TTC19: variants seen among roughly 807,000 people sequenced by gnomAD.
The protein encoded by TTC19 is tetratricopeptide repeat protein 19, mitochondrial.
TTC19 carries 38 observed loss-of-function variants against 49.5 expected under a neutral mutation model. The observed-to-expected ratio is 0.77, with a 90% CI of 0.59 to 1.01. The LOEUF is 1.01. Among genes scored for constraint, TTC19 ranks in the 50% least tolerant of loss-of-function variants. The pLI is 0.00. For synonymous variants in TTC19, 204 were observed against 185.2 expected (o/e 1.10, Z -0.83); for missense variants, 475 against 477.7 (o/e 0.99, Z 0.05).
chr17:16,039,704 G>A lies in TTC19; in HGVS notation c.248-4799G>A. 2.6e-6 allele frequency: 4 copies of A among 1,513,388 alleles called. No individual in the cohort carries two copies. The South Asian group carries it at 3.6e-5, about 13-fold the overall frequency. 93.7% of individuals were successfully genotyped at this position (1,513,388 alleles called of 1,614,324 possible). ...CACTTATTTCTGAAAGGCCAATCAG[G>A]AAACAAACATGCATTGCCCCATCAG... On this transcript the variant is annotated intron_variant, in intron 2 of 2. Coordinates refer to the TTC19 transcript ENST00000470649.
At chr17:16,009,787 T>C (rs1971014052) in intron 7 of TTC19, among the ~76,000 whole-genome samples, 1 of 152,156 alleles carries the variant, frequency 6.6e-6, no homozygotes, top group South Asian at 2.1e-4. Flanking sequence ...TCTAGGATAA[T>C]TATTTTGTTA....
intron 7 of TTC19, among the ~76,000 whole-genome samples, chr17:16,019,540 T>C (rs1396369967): frequency 6.6e-6 from 1 of 152,200 alleles, no homozygotes; most frequent in East Asian, 1.9e-4. Context: ...TGCGTCTGTC[T>C]TTAAAGGGTG....
intron 4 of TTC19, 87 bp downstream of exon 4, chr17:16,002,918 A>G (rs148703811): frequency 3.6e-5 from 45 of 1,249,956 alleles, no homozygotes; most frequent in Non-Finnish European, 5.2e-5. Flanking sequence ...CTAAGCTGCT[A>G]TAACAAAGAG....
chr17:16,044,100 C>T (rs1465904226), intron 2 of TTC19, among the ~76,000 whole-genome samples: 10 of 134,208 alleles, frequency 7.5e-5, no homozygotes, highest in African/African-American at 2.8e-4. Context: ...ACCCGGGAGG[C>T]GGAGGTTGCG....
chr17:16,040,072 G>C (rs142477604), intron 2 of TTC19: 9 of 447,782 alleles, frequency 2.0e-5, no homozygotes, highest in African/African-American at 1.4e-4. Flanking sequence ...TTACAGGCGT[G>C]AGCCACCGCA....
downstream of TTC19, among the ~76,000 whole-genome samples, chr17:16,032,744 G>A (rs1323246314): frequency 1.3e-5 from 2 of 152,220 alleles, no homozygotes; most frequent in Non-Finnish European, 2.9e-5. Context: ...AGAAGAGAAA[G>A]CCCAGGCTAG....
Position 16,027,406 on chromosome 17 carries a change from G to A in TTC19, c.1027G>A (p.Glu343Lys). The A allele has an allele frequency of 1.2e-6, 2 of 1,614,080 alleles. No individual in the cohort carries two copies. Among genetic ancestry groups the A allele is most frequent in the Non-Finnish European group, 1.7e-6 (2 of 1,179,956 alleles). The change falls in exon 10 of 10, where the codon GAA becomes AAA. Residue 343 changes from glutamate to lysine, a missense_variant. Transcript: ENST00000261647. ...TACACAAGCAAAAGAGATCTACCAG[G>A]AAGCACTGAAGCAAGCAAAGCTGAA... ...RYTQAKEIYQ[E>K]ALKQAKLKKD...
Position 16,026,594 on chromosome 17 carries a change from G to A in TTC19, c.886G>A (p.Asp296Asn). ...ATTLDAQGRF[D>N]EAYIYMQRAS... ...TACCCTGGATGCACAGGGCCGCTTT[G>A]ATGAGGCCTATATTTATATGCAAAG... Residue 296 changes from aspartate to asparagine, a missense_variant, in exon 9 of 10, where the codon GAT becomes AAT. Transcript: ENST00000261647. 6.2e-7 allele frequency: 1 copy of A among 1,614,150 alleles called. No individual in the cohort carries two copies. The highest frequency in any genetic ancestry group is 8.5e-7 in the Non-Finnish European group (1 of 1,180,004).
chr17:16,044,826 CT>C, exon 3 of TTC19: 1 of 1,075,544 alleles, frequency 9.3e-7, no homozygotes, highest in Non-Finnish European at 1.4e-6. Flanking sequence ...GGTGGACCTG[CT>C]CCAGCAGCTG....
At chr17:16,012,390 A>C (rs551617809) in intron 7 of TTC19, among the ~76,000 whole-genome samples, 5 of 151,898 alleles carry the variant, frequency 3.3e-5, no homozygotes, top group African/African-American at 1.2e-4. Context: ...TGAGGTGAGA[A>C]TCTCTTGAGC....
At chr17:16,036,449 A>G (rs1473405185) in intron 2 of TTC19, among the ~76,000 whole-genome samples, 1 of 152,232 alleles carries the variant, frequency 6.6e-6, no homozygotes, top group Non-Finnish European at 1.5e-5. Flanking sequence ...CACCACCTGC[A>G]TTAGCCCCTA....
Position 16,028,122 on chromosome 17 carries a change from G to A in TTC19, c.*600G>A, listed in dbSNP as rs73981413. 19,077 of 453,934 alleles carry A rather than the reference G, an allele frequency of 0.042. 539 individuals carry two copies. The highest frequency in any genetic ancestry group is 0.096 in the African/African-American group (4,814 of 50,036). The allele number at this position is 453,934 out of a possible 1,614,324, so 28.1% of individuals were successfully genotyped here. A position where few individuals can be genotyped will look rare whatever the true frequency, so the allele number is the denominator to read the frequency against. ...GCACGTGACAGTATAGCACCCATTT[G>A]AATTTAAATAAAAGTGAACCATATT... On this transcript the variant is annotated 3_prime_UTR_variant, in exon 10 of 10. Transcript: ENST00000261647.
Position 16,028,898 on chromosome 17 carries a change from G to T in TTC19, c.*1376G>T. 1 of 412,360 alleles carries T rather than the reference G, an allele frequency of 2.4e-6. No homozygotes were observed. The highest frequency in any genetic ancestry group is 1.8e-5 in the South Asian group (1 of 55,764). The allele number at this position is 412,360 out of a possible 1,614,324, so 25.5% of individuals were successfully genotyped here. Reference sequence around the variant, plus strand: ...AAACCTTGAGGTCCAAATCCTCAGGGATTAGACTAAAACTAGAGTTTTGTA... The same window carrying T: ...AAACCTTGAGGTCCAAATCCTCAGGTATTAGACTAAAACTAGAGTTTTGTA... On this transcript the variant is annotated 3_prime_UTR_variant, in exon 10 of 10. Transcript: ENST00000261647.
intron 6 of TTC19, 75 bp downstream of exon 6, chr17:16,004,337 C>A: frequency 7.2e-7 from 1 of 1,384,146 alleles, no homozygotes; most frequent in Non-Finnish European, 1.0e-6. Context: ...TATTCATTGT[C>A]TACTGGTCAT....
chr17:16,013,425 T>C (rs1971133299), intron 7 of TTC19, among the ~76,000 whole-genome samples: 1 of 152,204 alleles, frequency 6.6e-6, no homozygotes, highest in Non-Finnish European at 1.5e-5. Context: ...AGCTTAATGC[T>C]TAGAGAGATA....
downstream of TTC19, among the ~76,000 whole-genome samples, chr17:16,032,672 T>G (rs796384345): frequency 9.9e-5 from 15 of 152,248 alleles, 1 homozygote; most frequent in African/African-American, 3.4e-4. Context: ...TATATAGCAG[T>G]CAGTGCGGGT....
At chr17:16,002,253 A>G (rs1970760366) in intron 3 of TTC19, among the ~76,000 whole-genome samples, 1 of 152,178 alleles carries the variant, frequency 6.6e-6, no homozygotes, top group African/African-American at 2.4e-5. Flanking sequence ...ATCTTGGCTC[A>G]CTGCAGCCTC....
At chr17:16,002,191 T>A (rs542044045) in intron 3 of TTC19, among the ~76,000 whole-genome samples, 166 bp downstream of exon 3, 2 of 152,338 alleles carry the variant, frequency 1.3e-5, no homozygotes, top group African/African-American at 4.8e-5. Flanking sequence ...TTTGTTTTGT[T>A]TTTTTGAGAT....
At chr17:16,044,973 C>G (rs1018234953) in exon 3 of TTC19, 4 of 520,346 alleles carry the variant, frequency 7.7e-6, no homozygotes, top group Non-Finnish European at 1.4e-5. Flanking sequence ...TTTCTTATAA[C>G]GTGTTCAATA....
Sources: gnomAD v4.1 joint callset for allele counts (sites outside exome capture counted in the v4.1 genomes callset) on GRCh38, gnomAD v4.1.1 for gene constraint, MANE v1.5 for transcripts, NCBI Gene and HGNC (gene_info 2026-07-23, HGNC 2026-07-21) for gene names.